Variants in ZNF100 observed in about 807,000 individuals in gnomAD.
ZNF100 encodes the protein zinc finger protein 100 (Y1).
A neutral mutation model predicts 15.8 loss-of-function variants in ZNF100; 12 were observed. That is an observed-to-expected ratio of 0.76 (90% CI 0.49 to 1.23). The LOEUF is 1.23. Ranked by LOEUF, ZNF100 falls within the 50% of genes most tolerant of loss-of-function variation. The probability of loss-of-function intolerance (pLI) is 0.00; values close to 1 mark genes in which losing one functional copy is unlikely to be tolerated. For missense variants in ZNF100, 670 were observed against 635.6 expected, an observed-to-expected ratio of 1.05 and a Z score of -0.58; for synonymous variants, 226 against 214.8, an observed-to-expected ratio of 1.05 and a Z score of -0.45.
At chr19:21,758,877 GC>G (rs2036434202) in intron 2 of ZNF100, among the ~76,000 whole-genome samples, 1 of 152,064 alleles carries the variant, frequency 6.6e-6, no homozygotes, top group East Asian at 1.9e-4. Flanking sequence ...ACAATGAAAG[GC>G]TTTGTTCTCC....
At chr19:21,738,055 A>G (rs2036039220) in intron 4 of ZNF100, among the ~76,000 whole-genome samples, 3 of 152,144 alleles carry the variant, frequency 2.0e-5, no homozygotes, top group Admixed American at 2.0e-4. Context: ...GTTCAAGACC[A>G]GCCTGGCCAA....
intron 4 of ZNF100, among the ~76,000 whole-genome samples, chr19:21,740,477 C>T (rs2036088261): frequency 6.7e-6 from 1 of 149,924 alleles, no homozygotes; most frequent in Non-Finnish European, 1.5e-5. Flanking sequence ...CAAAATTTAT[C>T]CACATTAGAA....
rs746401806 is a variant in ZNF100 at position 21,744,022 on chromosome 19, G to A, written c.317C>T (p.Pro106Leu). The change falls in exon 4 of 5, where the codon CCC (proline) becomes CTC (leucine). Residue 106 changes from proline to leucine, a missense_variant. By Grantham distance (98) the Pro-to-Leu change is moderately conservative. Transcript: ENST00000358296. ...TTGTGTTCACTCTCACCTACCTGGG[G>A]GTTTGGCTACCATCTCATGTCTCTT... ...NIKRHEMVAK[P>L]PVICSHFPQD... 2.5e-5 allele frequency: 41 copies of A among 1,610,076 alleles called. No homozygotes were observed. The South Asian group carries it at 3.6e-4, about 14-fold the overall frequency.
At chr19:21,766,801 G>A in intron 1 of ZNF100, among the ~76,000 whole-genome samples, 1 of 152,024 alleles carries the variant, frequency 6.6e-6, no homozygotes, top group East Asian at 1.9e-4. Context: ...AGACCAGCCT[G>A]GCCAACGAGG....
chr19:21,728,366 A>G (rs1394850956), intron 4 of ZNF100, among the ~76,000 whole-genome samples: 1 of 152,106 alleles, frequency 6.6e-6, no homozygotes, highest in Non-Finnish European at 1.5e-5. Flanking sequence ...ACTTGCTTCT[A>G]GGAGCCTTTC....
intron 2 of ZNF100, chr19:21,751,832 A>C: frequency 1.1e-6 from 1 of 910,192 alleles, no homozygotes; most frequent in East Asian, 2.4e-5. Flanking sequence ...ATGTGAAGAC[A>C]AAGACTTGTG....
At chr19:21,746,016 T>A (rs569410982) in intron 2 of ZNF100, among the ~76,000 whole-genome samples, 5 of 152,330 alleles carry the variant, frequency 3.3e-5, no homozygotes, top group South Asian at 2.1e-4. Flanking sequence ...GCTGCCAGAT[T>A]AAATGTGATG....
chr19:21,730,382 T>A (rs1319272006), intron 4 of ZNF100, among the ~76,000 whole-genome samples: 1 of 150,440 alleles, frequency 6.6e-6, no homozygotes, highest in Non-Finnish European at 1.5e-5. Context: ...GTACTGCAAG[T>A]CAAAACTGCA....
chr19:21,726,710 TGA>T lies in ZNF100; in HGVS notation c.1600_1601del (p.Ser534IlefsTer55). 6.2e-7 allele frequency: 1 copy of T among 1,609,598 alleles called. No individual in the cohort carries two copies. Among genetic ancestry groups the T allele is most frequent in the South Asian group, 1.1e-5 (1 of 90,364 alleles). On this transcript the variant is annotated frameshift_variant, in exon 5 of 5. Coordinates refer to ENST00000358296, the MANE Select transcript of ZNF100 (RefSeq NM_173531.4). LOFTEE classifies it high-confidence loss of function. ...QSLSLIKQNNSYWRETLQM is the reference protein window; with the variant it reads ...QSLSLIKQNNXYWRETLQM ...ACATTTGTAGGGTTTCTCTCCAGTA[TGA>T]GTTATTTTGTTTAATAAGGCTTAGG...
At chr19:21,760,381 G>C (rs2076087214) in intron 2 of ZNF100, among the ~76,000 whole-genome samples, 1 of 151,730 alleles carries the variant, frequency 6.6e-6, no homozygotes, top group Admixed American at 6.6e-5. Context: ...TGTAATCCTA[G>C]CTAGTTGGGA....
intron 2 of ZNF100, among the ~76,000 whole-genome samples, chr19:21,756,971 A>G (rs1462150789): frequency 6.6e-6 from 1 of 152,232 alleles, no homozygotes; most frequent in Non-Finnish European, 1.5e-5. Flanking sequence ...CAAAGCTGAC[A>G]AGAGGAATGA....
Position 21,724,061 on chromosome 19 carries a change from AT to A in ZNF100, c.*2621del. 1 of 152,304 alleles carries A rather than the reference AT, an allele frequency of 6.6e-6. No individual in the cohort carries two copies. Among genetic ancestry groups the A allele is most frequent in the Non-Finnish European group, 1.5e-5 (1 of 68,008 alleles). 9.4% of individuals were successfully genotyped at this position (152,304 alleles called of 1,614,324 possible). A position where few individuals can be genotyped will look rare whatever the true frequency, so the allele number is the denominator to read the frequency against. On this transcript the variant is annotated 3_prime_UTR_variant, in exon 5 of 5. Coordinates refer to ENST00000358296, the MANE Select transcript of ZNF100 (RefSeq NM_173531.4). ...ATGAATACTTCATAATCTGTAAAAT[AT>A]TTATATGAAAAAAGATACAAAATAA...
intron 2 of ZNF100, among the ~76,000 whole-genome samples, chr19:21,759,442 CTCTTT>C (rs1394301581): frequency 6.6e-6 from 1 of 152,174 alleles, no homozygotes; most frequent in Non-Finnish European, 1.5e-5. Flanking sequence ...ACACAGTGCT[CTCTTT>C]TCTTTTTTAT....
intron 2 of ZNF100, among the ~76,000 whole-genome samples, chr19:21,748,986 G>GT (rs1191431801): frequency 6.6e-5 from 10 of 152,156 alleles, no homozygotes; most frequent in Non-Finnish European, 8.8e-5. Flanking sequence ...GATTACAGGC[G>GT]TGAGCCACTG....
At chr19:21,736,120 C>G (rs2036004602) in intron 4 of ZNF100, among the ~76,000 whole-genome samples, 1 of 151,720 alleles carries the variant, frequency 6.6e-6, no homozygotes, top group Non-Finnish European at 1.5e-5. Context: ...TGGAATCTCA[C>G]TCTGTTGCCC....
At chr19:21,751,675 G>A (rs2036308827) in intron 2 of ZNF100, 3 of 1,281,264 alleles carry the variant, frequency 2.3e-6, no homozygotes, top group Middle Eastern at 2.0e-4. Context: ...ATTTTTCGGA[G>A]CTTCTTCAGT....
At chr19:21,759,465 C>T (rs2036445399) in intron 2 of ZNF100, among the ~76,000 whole-genome samples, 1 of 152,108 alleles carries the variant, frequency 6.6e-6, no homozygotes, top group South Asian at 2.1e-4. Flanking sequence ...TATCACATAG[C>T]CACAGACTAT....
Position 21,754,785 on chromosome 19 carries a change from A to C in ZNF100, c.97-9718T>G, listed in dbSNP as rs531890752. Among the ~76,000 whole-genome samples, 10 of 152,302 alleles carry C rather than the reference A, an allele frequency of 6.6e-5. No individual in the cohort carries two copies. In the East Asian group the frequency reaches 1.7e-3, roughly 26 times the overall value. On this transcript the variant is annotated intron_variant, in intron 2 of 4. Transcript: ENST00000358296. ...CAAAAGGAATCGCAACAAAAGCCAA[A>C]ATTTGACAAATGGGATCTAATTAAA...
rs551426076 is a variant in ZNF100, at chr19:21,732,138, C to T, written c.323-4149G>A. ...GCGAGCCAAGATCCCGCCACTACAC[C>T]CCAGTCTTGGCGACAGAGCGAGACT... is the stretch of plus-strand genomic sequence containing the variant. On this transcript the variant is annotated intron_variant, in intron 4 of 4. Coordinates refer to ENST00000358296, the MANE Select transcript of ZNF100 (RefSeq NM_173531.4). Among the ~76,000 whole-genome samples the T allele has an allele frequency of 5.9e-5, 9 of 152,014 alleles. No individual in the cohort carries two copies. The South Asian group carries it at 1.9e-3, about 32-fold the overall frequency.
Sources: gnomAD v4.1 joint callset for allele counts (sites outside exome capture counted in the v4.1 genomes callset) on GRCh38, gnomAD v4.1.1 for gene constraint, MANE v1.5 for transcripts, NCBI Gene and HGNC (gene_info 2026-07-23, HGNC 2026-07-21) for gene names.